Variants in OLA1 observed in about 807,000 individuals in gnomAD.
OLA1 encodes the protein obg-like ATPase 1.
Under a neutral mutation model 48.4 loss-of-function variants are expected in OLA1, and 14 were observed. That is an observed-to-expected ratio of 0.29 (90% CI 0.19 to 0.45). The LOEUF (loss-of-function observed/expected upper bound fraction) is 0.45, where lower values mean the gene tolerates loss of function less well. Ranked by LOEUF, OLA1 falls within the 20% of genes least tolerant of loss-of-function variation. The pLI, the probability that OLA1 is intolerant of heterozygous loss-of-function variation, is 1.00. For synonymous variants in OLA1, 127 were observed against 150.4 expected (o/e 0.84, Z 1.14); for missense variants, 325 against 467.1 (o/e 0.70, Z 2.80).
chr2:174,134,494 A>G (rs1162058442), intron 5 of OLA1, among the ~76,000 whole-genome samples: 1 of 152,228 alleles, frequency 6.6e-6, no homozygotes, highest in Non-Finnish European at 1.5e-5. Context: ...TTGCAGTATT[A>G]TAACATTTTT....
chr2:174,129,184 C>T lies in OLA1; in HGVS notation c.550-5509G>A, dbSNP rs377037299. Among the ~76,000 whole-genome samples, 14 of 152,246 alleles carry T rather than the reference C, an allele frequency of 9.2e-5. No homozygotes were observed. The East Asian group carries it at 1.7e-3, about 19-fold the overall frequency. ...AAATAATAATATTTATGGAGCTGGG[C>T]GCAGTGGCTCACGCCTGTAATCCCA... On this transcript the variant is annotated intron_variant, in intron 5 of 10. Transcript: ENST00000284719.
At chr2:174,240,670 T>C (rs985878320) in intron 2 of OLA1, among the ~76,000 whole-genome samples, 3 of 152,160 alleles carry the variant, frequency 2.0e-5, no homozygotes, top group Non-Finnish European at 4.4e-5. Flanking sequence ...TATCCATAGA[T>C]ACCTGTCTTC....
intron 7 of OLA1, among the ~76,000 whole-genome samples, chr2:174,121,126 C>T (rs1001478908): frequency 1.7e-4 from 26 of 152,130 alleles, no homozygotes; most frequent in African/African-American, 6.0e-4. Context: ...ATGATGAAAA[C>T]CTAGTGTTCA....
chr2:174,235,099 C>A (rs982443601), intron 2 of OLA1, among the ~76,000 whole-genome samples: 1 of 152,118 alleles, frequency 6.6e-6, no homozygotes, highest in African/African-American at 2.4e-5. Flanking sequence ...GCAGAGGTTG[C>A]AGTGAGTGGA....
chr2:174,174,369 C>T (rs1344417877), intron 4 of OLA1, among the ~76,000 whole-genome samples: 1 of 151,744 alleles, frequency 6.6e-6, no homozygotes, highest in African/African-American at 2.4e-5. Context: ...CAAAAGCTTA[C>T]CAATCAAAAA....
At chr2:174,113,922 A>G (rs986637246) in intron 7 of OLA1, among the ~76,000 whole-genome samples, 2 of 152,184 alleles carry the variant, frequency 1.3e-5, no homozygotes, top group African/African-American at 4.8e-5. Context: ...TATCTGCTTG[A>G]TAAGTATAAT....
At chr2:174,119,780 C>G (rs761374473) in intron 7 of OLA1, among the ~76,000 whole-genome samples, 1 of 152,082 alleles carries the variant, frequency 6.6e-6, no homozygotes, top group Non-Finnish European at 1.5e-5. Flanking sequence ...GAACTTGACA[C>G]ATTGCCCTTC....
intron 4 of OLA1, among the ~76,000 whole-genome samples, chr2:174,184,568 G>A (rs1230674516): frequency 2.0e-5 from 3 of 152,172 alleles, no homozygotes; most frequent in Non-Finnish European, 4.4e-5. Flanking sequence ...ATCCTGGACC[G>A]GAAAAATGAC....
At chr2:174,194,148 T>C (rs1195622047) in intron 4 of OLA1, among the ~76,000 whole-genome samples, 1 of 152,194 alleles carries the variant, frequency 6.6e-6, no homozygotes, top group Non-Finnish European at 1.5e-5. Context: ...AGAAGCCACG[T>C]GTCACCGCTG....
At chr2:174,144,354 AT>A (rs994863137) in intron 4 of OLA1, among the ~76,000 whole-genome samples, 7 of 152,154 alleles carry the variant, frequency 4.6e-5, no homozygotes, top group African/African-American at 1.4e-4. Context: ...GTAACATACC[AT>A]AAGTAGAATT....
chr2:174,234,122 TC>T (rs1410897853), intron 2 of OLA1, among the ~76,000 whole-genome samples: 1 of 152,062 alleles, frequency 6.6e-6, no homozygotes, highest in Non-Finnish European at 1.5e-5. Flanking sequence ...ACCCTCCACC[TC>T]CTTCTCCTCC....
chr2:174,246,299 C>CA (rs113381257), intron 2 of OLA1, among the ~76,000 whole-genome samples: 50,320 of 139,678 alleles, frequency 0.36, 9,614 homozygotes, highest in Non-Finnish European at 0.45. Flanking sequence ...GACTCCATCT[C>CA]AAAAAAAAAA....
intron 5 of OLA1, among the ~76,000 whole-genome samples, chr2:174,133,668 G>T (rs1191758566): frequency 6.6e-6 from 1 of 152,106 alleles, no homozygotes; most frequent in Non-Finnish European, 1.5e-5. Context: ...TTCAACTTAT[G>T]GTGTAACCCC....
intron 7 of OLA1, among the ~76,000 whole-genome samples, chr2:174,091,672 G>C (rs930797216): frequency 2.0e-5 from 3 of 151,886 alleles, no homozygotes; most frequent in Admixed American, 6.6e-5. Flanking sequence ...GAACACCTGA[G>C]GTCAGGAGTT....
intron 5 of OLA1, among the ~76,000 whole-genome samples, chr2:174,136,191 G>T (rs1013345534): frequency 6.6e-6 from 1 of 152,068 alleles, no homozygotes; most frequent in Admixed American, 6.5e-5. Flanking sequence ...TGAAAACAAC[G>T]AAGTTTGCCA....
chr2:174,212,150 C>G (rs1688259601), intron 4 of OLA1, among the ~76,000 whole-genome samples: 1 of 152,180 alleles, frequency 6.6e-6, no homozygotes, highest in Admixed American at 6.5e-5. Context: ...GGTACTTACA[C>G]AAACCTAGAT....
intron 7 of OLA1, among the ~76,000 whole-genome samples, chr2:174,117,876 C>CG (rs1346838595): frequency 6.6e-6 from 1 of 152,180 alleles, no homozygotes. Context: ...TTCTCCACTA[C>CG]CCTCTTCACC....
chr2:174,093,120 G>A (rs1043173654), intron 7 of OLA1, among the ~76,000 whole-genome samples: 2 of 152,056 alleles, frequency 1.3e-5, no homozygotes, highest in Admixed American at 1.3e-4. Context: ...TCAAAATATC[G>A]TTTGTGAACA....
At chr2:174,100,766 T>C (rs1231236102) in intron 7 of OLA1, among the ~76,000 whole-genome samples, 1 of 152,150 alleles carries the variant, frequency 6.6e-6, no homozygotes, top group African/African-American at 2.4e-5. Flanking sequence ...TATGCACATA[T>C]AACTATCCCC....
Sources: allele counts gnomAD v4.1 joint callset (sites outside exome capture counted in the v4.1 genomes callset), GRCh38; gene constraint gnomAD v4.1.1; transcripts MANE v1.5; gene names NCBI Gene and HGNC (gene_info 2026-07-23, HGNC 2026-07-21).